Variants in DHX9 observed in about 807,000 individuals in gnomAD.
The protein encoded by DHX9 is ATP-dependent RNA helicase A.
A neutral mutation model predicts 148.7 loss-of-function variants in DHX9; 27 were observed. That is an observed-to-expected ratio of 0.18 (90% CI 0.13 to 0.25). DHX9 has a LOEUF of 0.25. DHX9 is among the 10% of genes least tolerant of loss of function. The pLI is 1.00. For synonymous variants in DHX9, 529 were observed against 516.6 expected, an observed-to-expected ratio of 1.02 and a Z score of -0.33; for missense variants, 796 against 1,559.6, an observed-to-expected ratio of 0.51 and a Z score of 8.25.
chr1:182,872,586 C>T lies in DHX9; in HGVS notation c.1714+93C>T. ...GATTGGAGTTACAATTTAAAGAATACTTAAAATACAGGACAAATTATAGTA... is the reference window on the plus strand; with the variant it reads ...GATTGGAGTTACAATTTAAAGAATATTTAAAATACAGGACAAATTATAGTA... On this transcript the variant is annotated intron_variant, in intron 15 of 27. Coordinates refer to ENST00000367549, the MANE Select transcript of DHX9 (RefSeq NM_001357.5). The T allele has an allele frequency of 4.5e-6, 6 of 1,340,820 alleles. No individual in the cohort carries two copies. The South Asian group carries it at 5.7e-5, about 13-fold the overall frequency. 83.1% of individuals were successfully genotyped at this position (1,340,820 alleles called of 1,614,324 possible).
chr1:182,855,830 C>A, intron 6 of DHX9: 1 of 738,796 alleles, frequency 1.4e-6, no homozygotes, highest in Non-Finnish European at 1.7e-6. Flanking sequence ...AGTGAAAGGA[C>A]CAGAATGCAT....
At chr1:182,878,488 G>A (rs1409464230) in intron 20 of DHX9, among the ~76,000 whole-genome samples, 2 of 152,072 alleles carry the variant, frequency 1.3e-5, no homozygotes, top group South Asian at 2.1e-4. Context: ...TGTTTCCTCA[G>A]TTGTAAAAAG....
chr1:182,875,551 G>C lies in DHX9; in HGVS notation c.1816-499G>C, dbSNP rs373679172. Reference sequence around the variant, plus strand: ...GTTGGACGACGATAGTATAGAAATGGATTATCTGGAAATACAGACTGAGAC... The same window carrying C: ...GTTGGACGACGATAGTATAGAAATGCATTATCTGGAAATACAGACTGAGAC... On this transcript the variant is annotated intron_variant, in intron 16 of 27. Coordinates refer to ENST00000367549, the MANE Select transcript of DHX9 (RefSeq NM_001357.5). 2.6e-5 allele frequency among the ~76,000 whole-genome samples: 4 copies of C among 152,174 alleles called. No individual in the cohort carries two copies. The South Asian group carries it at 6.2e-4, about 24-fold the overall frequency.
chr1:182,842,483 A>T (rs957420844), intron 1 of DHX9, 62 bp from the exon 2 acceptor site: 1 of 879,824 alleles, frequency 1.1e-6, no homozygotes, highest in African/African-American at 1.7e-5. Context: ...AATCTAGATA[A>T]TTGGTTCCTC....
intron 7 of DHX9, among the ~76,000 whole-genome samples, chr1:182,856,940 C>T (rs1203305107): frequency 1.3e-5 from 2 of 151,590 alleles, no homozygotes; most frequent in East Asian, 3.9e-4. Context: ...AGCTCCGCCT[C>T]CCAGGTTCAC....
At position 182,887,311 on chromosome 1, in the gene DHX9, T is replaced by G; in HGVS notation, c.3690T>G (p.Ser1230=). ...GVSRGGFRGN[S]GGDYRGPSGG... ...CCCGAGGTGGCTTTAGAGGCAACTC[T>G]GGAGGAGACTACAGAGGGCCTAGTG... Residue 1230 remains serine (S), a synonymous_variant, in exon 28 of 28, where the codon TCT becomes TCG. Coordinates refer to ENST00000367549, the MANE Select transcript of DHX9 (RefSeq NM_001357.5). 1 of 1,614,048 alleles carries G rather than the reference T, an allele frequency of 6.2e-7. No individual in the cohort carries two copies. Among genetic ancestry groups the G allele is most frequent in the Non-Finnish European group, 8.5e-7 (1 of 1,180,000 alleles).
Position 182,887,328 on chromosome 1 carries a change from G to T in DHX9, c.3707G>T (p.Gly1236Val). The change falls in exon 28 of 28, where the codon GGG (glycine) becomes GTG (valine). Residue 1236 changes from glycine to valine, a missense_variant. Transcript: ENST00000367549. ...FRGNSGGDYR[G>V]PSGGYRGSGG... is the part of the protein sequence containing the mutation. ...GGCAACTCTGGAGGAGACTACAGAGGGCCTAGTGGAGGCTACAGAGGATCT... is the reference window on the plus strand; with the variant it reads ...GGCAACTCTGGAGGAGACTACAGAGTGCCTAGTGGAGGCTACAGAGGATCT... 4.3e-6 allele frequency: 7 copies of T among 1,614,108 alleles called. No homozygotes were observed. The highest frequency in any genetic ancestry group is 5.9e-6 in the Non-Finnish European group (7 of 1,179,998).
intron 3 of DHX9, among the ~76,000 whole-genome samples, chr1:182,846,820 G>A (rs1668039736): frequency 6.6e-6 from 1 of 151,176 alleles, no homozygotes; most frequent in African/African-American, 2.4e-5. Context: ...GATATTTTTT[G>A]TTTTATTTTT....
chr1:182,887,136 G>C lies in DHX9; in HGVS notation c.3515G>C (p.Gly1172Ala). 1 of 1,614,226 alleles carries C rather than the reference G, an allele frequency of 6.2e-7. No homozygotes were observed. Among genetic ancestry groups the C allele is most frequent in the Non-Finnish European group, 8.5e-7 (1 of 1,180,046 alleles). The change falls in exon 28 of 28, where the codon GGA becomes GCA. Residue 1172 changes from glycine to alanine, a missense_variant. Physicochemically the swap from Gly to Ala is moderately conservative, Grantham distance 60 (BLOSUM62 0). Transcript: ENST00000367549. ...PKMARYDNGS[G>A]YRRGGSSYSG... ...ATGGCCCGATACGACAATGGAAGCG[G>C]ATATAGAAGGGGAGGTTCTAGTTAC...
chr1:182,882,727 T>C (rs1306971898), intron 24 of DHX9, among the ~76,000 whole-genome samples: 2 of 151,740 alleles, frequency 1.3e-5, no homozygotes, highest in Non-Finnish European at 2.9e-5. Context: ...TAGCCGGGCG[T>C]GGTGGCGGGT....
rs757962878 is a variant in DHX9, at chr1:182,858,241, G to GT, written c.810+2dup. 1.2e-6 allele frequency: 2 copies of GT among 1,612,756 alleles called. No individual in the cohort carries two copies. Among genetic ancestry groups the GT allele is most frequent in the South Asian group, 2.2e-5 (2 of 90,710 alleles). On this transcript the variant is annotated splice_donor_variant, in intron 8 of 27. Coordinates refer to ENST00000367549, the MANE Select transcript of DHX9 (RefSeq NM_001357.5). LOFTEE classifies it high-confidence loss of function. ...TACAAAGAAGAAGGAAGGAGAGACA[G>GT]TGAGTCTTTAGATTTAATAGACTTG...
Position 182,872,502 on chromosome 1 carries a change from G to T in DHX9, c.1714+9G>T, listed in dbSNP as rs752128304. The T allele has an allele frequency of 6.2e-7, 1 of 1,611,634 alleles. No homozygotes were observed. Among genetic ancestry groups the T allele is most frequent in the South Asian group, 1.1e-5 (1 of 90,518 alleles). On this transcript the variant is annotated intron_variant, in intron 15 of 27. Transcript: ENST00000367549. ...GACTTACCCAGTTCAAGGTAATATTGTGGGGGTGGTATAGGAACATCTTTT... is the reference window on the plus strand; with the variant it reads ...GACTTACCCAGTTCAAGGTAATATTTTGGGGGTGGTATAGGAACATCTTTT...
intron 22 of DHX9, 122 bp downstream of exon 22, chr1:182,880,730 A>G (rs1349644889): frequency 1.6e-6 from 1 of 644,142 alleles, no homozygotes; most frequent in Non-Finnish European, 2.7e-6. Context: ...TCTTCAGGGA[A>G]GTAACATACC....
In DHX9 at chr1:182,883,567, C is replaced by A. The variant is rs570139344; in HGVS notation, c.3192C>A (p.Pro1064=). The A allele has an allele frequency of 6.2e-7, 1 of 1,613,720 alleles. No homozygotes were observed. The highest frequency in any genetic ancestry group is 2.2e-5 in the East Asian group (1 of 44,880). ...ISAKGMTLVT[P]LQLLLFASKK... ...CTAAAGGCATGACTTTAGTCACCCC[C>A]CTGCAGTTGCTTCTCTTTGCCTCCA... Residue 1064 remains proline, a synonymous_variant, in exon 26 of 28, where the codon CCC becomes CCA. Coordinates refer to ENST00000367549, the MANE Select transcript of DHX9 (RefSeq NM_001357.5).
chr1:182,854,406 T>C (rs1668217893), intron 6 of DHX9, among the ~76,000 whole-genome samples: 1 of 152,240 alleles, frequency 6.6e-6, no homozygotes, highest in Non-Finnish European at 1.5e-5. Context: ...TAAATCTTTT[T>C]GACATGCTAG....
intron 12 of DHX9, among the ~76,000 whole-genome samples, chr1:182,861,996 T>C (rs1206447596): frequency 1.3e-5 from 2 of 152,234 alleles, no homozygotes; most frequent in Admixed American, 6.5e-5. Context: ...ACCTGTAATA[T>C]GAAAAGTAGG....
rs139323481 is a variant in DHX9 at position 182,853,669 on chromosome 1, A to G, written c.477+251A>G. Among the ~76,000 whole-genome samples the G allele has an allele frequency of 5.6e-3, 850 of 152,294 alleles. 20 individuals are homozygous for G. Among genetic ancestry groups the G allele is most frequent in the Admixed American group, 0.048 (735 of 15,300 alleles). ...ATAAAAAGATCTCCTCTTCAGCTTTATAGGAAATGTAATTATCTCAGGGGA... is the reference window on the plus strand; with the variant it reads ...ATAAAAAGATCTCCTCTTCAGCTTTGTAGGAAATGTAATTATCTCAGGGGA... On this transcript the variant is annotated intron_variant, in intron 5 of 27. Transcript: ENST00000367549.
In DHX9 at chr1:182,877,888, G is replaced by T. The variant is rs963002700; in HGVS notation, c.2199-133G>T. On this transcript the variant is annotated intron_variant, in intron 19 of 27. Transcript: ENST00000367549. ...AGTCAGATTGCTGATTCTTACTTGT[G>T]CCATTCATGAATAGACATCACAAGT... is the stretch of plus-strand genomic sequence containing the variant. The T allele has an allele frequency of 1.8e-5, 18 of 997,136 alleles. 1 individual carries two copies. The highest frequency in any genetic ancestry group is 5.4e-5 in the Admixed American group (2 of 37,152). 61.8% of individuals were successfully genotyped at this position (997,136 alleles called of 1,614,324 possible). A position where few individuals can be genotyped will look rare whatever the true frequency, so the allele number is the denominator to read the frequency against.
chr1:182,870,177 C>G (rs1648499685), intron 14 of DHX9, among the ~76,000 whole-genome samples: 1 of 152,066 alleles, frequency 6.6e-6, no homozygotes. Flanking sequence ...AGTTTTATCA[C>G]AAAACACTGA....
Sources: gnomAD v4.1 joint callset for allele counts (sites outside exome capture counted in the v4.1 genomes callset) on GRCh38, gnomAD v4.1.1 for gene constraint, MANE v1.5 for transcripts, NCBI Gene and HGNC (gene_info 2026-07-23, HGNC 2026-07-21) for gene names.